Variants in ATP9B observed in about 807,000 individuals in gnomAD.
The protein encoded by ATP9B is ATPase phospholipid transporting 9B.
In ATP9B, 110 loss-of-function variants were observed where a neutral mutation model predicts 146.1. The observed-to-expected ratio is 0.75, with a 90% confidence interval of 0.65 to 0.88. The LOEUF (loss-of-function observed/expected upper bound fraction) is 0.88, where lower values mean the gene tolerates loss of function less well. Among genes scored for constraint, ATP9B ranks in the 40% least tolerant of loss-of-function variants. The pLI is 0.00. For missense variants in ATP9B, 1,499 were observed against 1,496.4 expected, an observed-to-expected ratio of 1.00 and a Z score of -0.03; for synonymous variants, 604 against 569.7, an observed-to-expected ratio of 1.06 and a Z score of -0.86.
At chr18:79,154,471 T>C in intron 6 of ATP9B, 33 bp from the exon 7 acceptor site, 1 of 1,466,024 alleles carries the variant, frequency 6.8e-7, no homozygotes, top group Non-Finnish European at 9.1e-7. Context: ...AACCTGCATA[T>C]AGATAATTAA....
At chr18:79,327,522 TGCTCTCCGTGGTTAGC>T (rs1248655573) in intron 15 of ATP9B, among the ~76,000 whole-genome samples, 1 of 121,436 alleles carries the variant, frequency 8.2e-6, no homozygotes, top group African/African-American at 3.1e-5. Flanking sequence ...ATGGTTAGCG[TGCTCTCCGTGGTTAGC>T]GTGCTCTCCG....
At chr18:79,264,546 T>A (rs1257721662) in intron 12 of ATP9B, among the ~76,000 whole-genome samples, 2 of 152,300 alleles carry the variant, frequency 1.3e-5, no homozygotes, top group South Asian at 4.1e-4. Context: ...AGGTTTTTTT[T>A]TTGTTGGTTA....
chr18:79,289,123 G>T (rs2096475060), intron 13 of ATP9B, among the ~76,000 whole-genome samples: 1 of 152,240 alleles, frequency 6.6e-6, no homozygotes, highest in African/African-American at 2.4e-5. Context: ...GAGTATCTTT[G>T]TGGAGTTCTC....
intron 11 of ATP9B, 69 bp from the exon 12 acceptor site, chr18:79,253,312 T>C (rs544212162): frequency 3.7e-6 from 5 of 1,369,012 alleles, no homozygotes; most frequent in Middle Eastern, 1.9e-4. Context: ...ATCACTACCA[T>C]GCATTCTGAT....
At chr18:79,229,713 C>CT (rs1254270126) in intron 11 of ATP9B, among the ~76,000 whole-genome samples, 2 of 152,212 alleles carry the variant, frequency 1.3e-5, no homozygotes, top group East Asian at 3.8e-4. Context: ...TCCTTGCATT[C>CT]TTTAATCAGT....
At chr18:79,170,240 G>A (rs182290637) in intron 7 of ATP9B, among the ~76,000 whole-genome samples, 3 of 152,330 alleles carry the variant, frequency 2.0e-5, no homozygotes, top group Non-Finnish European at 4.4e-5. Flanking sequence ...CTGGGCCTGG[G>A]TGGCATCGAT....
At chr18:79,168,422 A>G (rs760563754) in intron 7 of ATP9B, among the ~76,000 whole-genome samples, 125 of 150,224 alleles carry the variant, frequency 8.3e-4, no homozygotes, top group Non-Finnish European at 6.9e-4. Flanking sequence ...GCAACTGTTC[A>G]GGAAGTCAAC....
chr18:79,095,236 G>A (rs73001197), intron 1 of ATP9B, among the ~76,000 whole-genome samples: 8,335 of 152,122 alleles, frequency 0.055, 323 homozygotes, highest in Non-Finnish European at 0.088. Context: ...CTTCCCATGT[G>A]GACTTCTGCC....
intron 19 of ATP9B, chr18:79,340,232 G>T (rs1256013458): frequency 6.6e-6 from 1 of 152,084 alleles, no homozygotes; most frequent in Non-Finnish European, 1.5e-5. Context: ...TTAAAATTTG[G>T]ATCTTTACAT....
intron 28 of ATP9B, 47 bp downstream of exon 28, chr18:79,374,148 T>G: frequency 1.3e-6 from 2 of 1,570,554 alleles, no homozygotes; most frequent in Non-Finnish European, 1.7e-6. Context: ...TATTCATGAT[T>G]TTGAAGTATT....
chr18:79,266,803 A>G (rs2096208319), intron 12 of ATP9B, among the ~76,000 whole-genome samples: 2 of 152,222 alleles, frequency 1.3e-5, no homozygotes, highest in African/African-American at 4.8e-5. Context: ...AAACCCCAAC[A>G]TAATGATGGT....
chr18:79,375,083 C>G (rs1181771568), intron 28 of ATP9B, among the ~76,000 whole-genome samples: 1 of 152,222 alleles, frequency 6.6e-6, no homozygotes, highest in African/African-American at 2.4e-5. Context: ...CAGAACATGG[C>G]CAGCCCTCCA....
intron 13 of ATP9B, among the ~76,000 whole-genome samples, chr18:79,287,778 A>G (rs1292123772): frequency 2.0e-5 from 3 of 150,784 alleles, no homozygotes; most frequent in Non-Finnish European, 3.0e-5. Flanking sequence ...CCCTCTACAC[A>G]CTGCTTTGAA....
intron 25 of ATP9B, chr18:79,352,487 A>G (rs2096927662): frequency 6.6e-6 from 1 of 152,270 alleles, no homozygotes; most frequent in African/African-American, 2.4e-5. Context: ...AACACGTGAA[A>G]CAAATGTTTT....
chr18:79,327,446 T>TGTGCTCTCCGTGGTTAGC (rs2096754242), intron 15 of ATP9B, among the ~76,000 whole-genome samples: 1 of 149,228 alleles, frequency 6.7e-6, no homozygotes, highest in African/African-American at 2.5e-5. Context: ...CCATGGTTAG[T>TGTGCTCTCCGTGGTTAGC]GTGCTCCCCA....
At chr18:79,157,813 C>T (rs1008730593) in intron 7 of ATP9B, among the ~76,000 whole-genome samples, 2 of 152,064 alleles carry the variant, frequency 1.3e-5, no homozygotes, top group Non-Finnish European at 2.9e-5. Flanking sequence ...TTTAGGATTT[C>T]CTTACAGTCC....
Position 79,307,211 on chromosome 18 carries a change from T to G in ATP9B, c.1750T>G (p.Tyr584Asp). ...AGACTTCAGTGATGAGAATCGCACC[T>G]ACCAGGCTTCCAGCCCGGATGAGGT... is the stretch of plus-strand genomic sequence containing the variant. Reference protein sequence around the residue: ...DQDFSDENRTYQASSPDEVAL... With the variant: ...DQDFSDENRTDQASSPDEVAL... Residue 584 changes from tyrosine (Y) to aspartate (D), a missense_variant, in exon 15 of 30, where the codon TAC (tyrosine) becomes GAC (aspartate). Tyr to Asp is a radical substitution (Grantham distance 160, BLOSUM62 -3). Transcript: ENST00000426216. The G allele has an allele frequency of 6.2e-7, 1 of 1,614,222 alleles. No homozygotes were observed. Among genetic ancestry groups the G allele is most frequent in the Non-Finnish European group, 8.5e-7 (1 of 1,180,028 alleles).
intron 6 of ATP9B, among the ~76,000 whole-genome samples, chr18:79,149,680 A>G (rs1466181761): frequency 6.6e-6 from 1 of 152,034 alleles, no homozygotes; most frequent in Non-Finnish European, 1.5e-5. Context: ...ATTTCTGTCT[A>G]GAATATATAA....
At chr18:79,367,595 G>T (rs1384715276) in intron 26 of ATP9B, among the ~76,000 whole-genome samples, 2 of 152,274 alleles carry the variant, frequency 1.3e-5, no homozygotes, top group South Asian at 2.1e-4. Context: ...GAGGATTCCA[G>T]TTATAAATGG....
Sources: allele counts gnomAD v4.1 joint callset (sites outside exome capture counted in the v4.1 genomes callset), GRCh38; gene constraint gnomAD v4.1.1; transcripts MANE v1.5; gene names NCBI Gene and HGNC (gene_info 2026-07-23, HGNC 2026-07-21).